PCDH15: variants seen among roughly 807,000 people sequenced by gnomAD.
PCDH15 encodes the protein protocadherin related 15.
A neutral mutation model predicts 178.5 loss-of-function variants in PCDH15; 129 were observed. That is an observed-to-expected ratio of 0.72 (90% CI 0.63 to 0.84). PCDH15 has a LOEUF of 0.84. Among genes scored for constraint, PCDH15 ranks in the 40% least tolerant of loss-of-function variants. The pLI, the probability that PCDH15 is intolerant of heterozygous loss-of-function variation, is 0.00. For synonymous variants in PCDH15, 800 were observed against 732.0 expected (o/e 1.09, Z -1.50); for missense variants, 2,230 against 2,099.9 (o/e 1.06, Z -1.21).
chr10:54,659,750 T>C (rs1040777790), intron 2 of PCDH15, among the ~76,000 whole-genome samples: 1 of 44,972 alleles, frequency 2.2e-5, no homozygotes, highest in African/African-American at 7.8e-5. Context: ...TAAGACCCTG[T>C]CTCAAAAAAA....
At chr10:55,203,511 C>T (rs895159171) in intron 1 of PCDH15, among the ~76,000 whole-genome samples, 7 of 151,878 alleles carry the variant, frequency 4.6e-5, no homozygotes, top group South Asian at 2.1e-4. Context: ...CATCAGAAGC[C>T]GACATTAGGA....
chr10:55,334,242 A>ATGTGTG (rs1208145029), intron 2 of PCDH15, among the ~76,000 whole-genome samples: 3,625 of 72,054 alleles, frequency 0.05, 214 homozygotes, highest in Middle Eastern at 0.087. Context: ...ATATATATAT[A>ATGTGTG]TGTGTGTGTG....
chr10:54,270,735 T>C (rs2057994478), intron 8 of PCDH15, among the ~76,000 whole-genome samples: 1 of 152,174 alleles, frequency 6.6e-6, no homozygotes, highest in African/African-American at 2.4e-5. Flanking sequence ...ATTTTCTCTC[T>C]CCTCTCCTCC....
At chr10:54,645,425 A>C (rs2094109676) in intron 2 of PCDH15, among the ~76,000 whole-genome samples, 1 of 152,120 alleles carries the variant, frequency 6.6e-6, no homozygotes, top group Admixed American at 6.6e-5. Context: ...CCACACACGA[A>C]TGAAAAATAG....
At chr10:53,894,831 G>A (rs1330171216) in intron 26 of PCDH15, among the ~76,000 whole-genome samples, 1 of 152,170 alleles carries the variant, frequency 6.6e-6, no homozygotes, top group Admixed American at 6.5e-5. Context: ...GTGGCACAGA[G>A]TGATGGAGCA....
At chr10:54,615,602 C>T (rs957684847) in intron 2 of PCDH15, among the ~76,000 whole-genome samples, 9 of 151,884 alleles carry the variant, frequency 5.9e-5, no homozygotes, top group African/African-American at 2.2e-4. Context: ...GACACGGAGA[C>T]AAATAAGACA....
chr10:55,406,109 T>A (rs551459060), intron 2 of PCDH15, among the ~76,000 whole-genome samples: 1 of 150,580 alleles, frequency 6.6e-6, no homozygotes, highest in South Asian at 2.1e-4. Flanking sequence ...CCCAAATATG[T>A]TCATGTAATG....
intron 3 of PCDH15, among the ~76,000 whole-genome samples, chr10:54,526,517 A>G (rs918621402): frequency 1.3e-5 from 2 of 152,092 alleles, no homozygotes; most frequent in African/African-American, 4.8e-5. Context: ...ATCTTTTTTC[A>G]TATATCTTTT....
intron 2 of PCDH15, among the ~76,000 whole-genome samples, chr10:55,467,692 G>A (rs1236969471): frequency 1.3e-5 from 2 of 151,910 alleles, no homozygotes; most frequent in Non-Finnish European, 2.9e-5. Context: ...GAGGCTGGGC[G>A]TGGTGGTTCA....
Position 54,937,272 on chromosome 10 carries a change from A to C in PCDH15, c.-79-39772T>G, listed in dbSNP as rs115398963. 5.7e-3 allele frequency among the ~76,000 whole-genome samples: 863 copies of C among 151,976 alleles called. 7 individuals are homozygous for C. Among genetic ancestry groups the C allele is most frequent in the African/African-American group, 0.019 (792 of 41,518 alleles). On this transcript the variant is annotated intron_variant, in intron 2 of 5. Transcript: ENST00000458638. ...CCTTTAAATGTGTTATTCTTCTTCT[A>C]AGGTTGTTTTGGAAATTCTGGGCCC...
chr10:54,183,173 G>A (rs113849089), intron 13 of PCDH15, among the ~76,000 whole-genome samples: 14 of 152,218 alleles, frequency 9.2e-5, no homozygotes, highest in Middle Eastern at 3.4e-3. Flanking sequence ...TAGAGACAGC[G>A]TTGGTCAGGC....
intron 3 of PCDH15, among the ~76,000 whole-genome samples, chr10:54,402,830 A>G (rs988233864): frequency 9.9e-5 from 15 of 152,026 alleles, no homozygotes; most frequent in African/African-American, 2.9e-4. Context: ...AGGCCTCTGT[A>G]TTCCTTAAGA....
chr10:54,218,508 GTC>G (rs1193926108), intron 9 of PCDH15, among the ~76,000 whole-genome samples: 1 of 152,142 alleles, frequency 6.6e-6, no homozygotes, highest in Non-Finnish European at 1.5e-5. Flanking sequence ...TGTTCTCTTT[GTC>G]TCTCTTTCTT....
At chr10:54,680,636 G>C (rs1162852460) in intron 1 of PCDH15, among the ~76,000 whole-genome samples, 2 of 151,970 alleles carry the variant, frequency 1.3e-5, no homozygotes, top group African/African-American at 2.4e-5. Flanking sequence ...TGAATCACGG[G>C]GCATTTTCCC....
At chr10:55,065,872 T>C (rs1841551104) in intron 2 of PCDH15, among the ~76,000 whole-genome samples, 1 of 152,020 alleles carries the variant, frequency 6.6e-6, no homozygotes, top group African/African-American at 2.4e-5. Context: ...TCATACCGAC[T>C]AAGAATAATT....
At chr10:55,503,232 T>C (rs1840692974) in intron 2 of PCDH15, among the ~76,000 whole-genome samples, 1 of 151,114 alleles carries the variant, frequency 6.6e-6, no homozygotes, top group Admixed American at 6.6e-5. Flanking sequence ...AGTTTTACAA[T>C]TAACAAAGAT....
chr10:54,603,163 G>A (rs1177643726), intron 2 of PCDH15, among the ~76,000 whole-genome samples: 1 of 151,852 alleles, frequency 6.6e-6, no homozygotes, highest in South Asian at 2.1e-4. Flanking sequence ...CTAATTTGTT[G>A]GTGTATATTT....
chr10:54,244,610 AGATGTTGTAAGGAG>A (rs1255079024), intron 8 of PCDH15, among the ~76,000 whole-genome samples: 2 of 152,222 alleles, frequency 1.3e-5, no homozygotes, highest in African/African-American at 4.8e-5. Flanking sequence ...TGCATTTCAC[AGATGTTGTAAGGAG>A]GATACATAGA....
Position 54,078,754 on chromosome 10 carries a change from A to ATT in PCDH15, c.2091+575_2091+576dup, listed in dbSNP as rs34613457. ...TTAAAGCAGTTCAGAATGTCTAACAATTTTTTTTTTTTAAAGTGAGTTTTA... is the reference window on the plus strand; with the variant it reads ...TTAAAGCAGTTCAGAATGTCTAACAATTTTTTTTTTTTTTAAAGTGAGTTTTA... On this transcript the variant is annotated intron_variant, in intron 17 of 37. Coordinates refer to ENST00000644397, the MANE Select transcript of PCDH15 (RefSeq NM_001384140.1). 3.0e-3 allele frequency among the ~76,000 whole-genome samples: 442 copies of ATT among 148,710 alleles called. 1 individual carries two copies. Among genetic ancestry groups the ATT allele is most frequent in the African/African-American group, 9.5e-3 (378 of 39,916 alleles).
Sources: gnomAD v4.1 joint callset for allele counts (sites outside exome capture counted in the v4.1 genomes callset) on GRCh38, gnomAD v4.1.1 for gene constraint, MANE v1.5 for transcripts, NCBI Gene and HGNC (gene_info 2026-07-23, HGNC 2026-07-21) for gene names.